The following KDM4C variants were observed in gnomAD, a reference collection of about 807,000 sequenced individuals.
KDM4C encodes the protein lysine demethylase 4C.
Under a neutral mutation model 129.3 loss-of-function variants are expected in KDM4C, and 81 were observed. The ratio of observed to expected loss-of-function variants is 0.63; its 90% confidence interval spans 0.52 to 0.75. The LOEUF (loss-of-function observed/expected upper bound fraction) is 0.75. Ranked by LOEUF, KDM4C falls within the 30% of genes least tolerant of loss-of-function variation. The pLI, the probability that KDM4C is intolerant of heterozygous loss-of-function variation, is 0.00. For synonymous variants in KDM4C, 573 were observed against 456.1 expected (o/e 1.26, Z -3.26); for missense variants, 1,457 against 1,304.0 (o/e 1.12, Z -1.81).
At chr9:7,141,918 C>CTAAA (rs539866760) in intron 19 of KDM4C, among the ~76,000 whole-genome samples, 167 of 152,166 alleles carry the variant, frequency 1.1e-3, no homozygotes, top group African/African-American at 4.0e-3. Flanking sequence ...CACTTCATCT[C>CTAAA]TAAATGGATG....
intron 8 of KDM4C, among the ~76,000 whole-genome samples, chr9:6,950,269 A>C (rs1372346532): frequency 6.6e-6 from 1 of 152,128 alleles, no homozygotes; most frequent in Admixed American, 6.5e-5. Flanking sequence ...TTCTTTCTAT[A>C]GTTCATTATG....
chr9:6,799,830 C>T (rs111377473), intron 2 of KDM4C, among the ~76,000 whole-genome samples: 53 of 151,790 alleles, frequency 3.5e-4, no homozygotes, highest in African/African-American at 1.2e-3. Context: ...GTGCCCCTCC[C>T]CTTTCAATAT....
chr9:7,103,566 T>G (rs1837340221), intron 17 of KDM4C, 119 bp from the exon 18 acceptor site: 1 of 787,682 alleles, frequency 1.3e-6, no homozygotes, highest in Non-Finnish European at 2.0e-6. Flanking sequence ...CAGGACTTGT[T>G]GATGTAATCA....
At chr9:7,099,170 A>C (rs1401988314) in intron 17 of KDM4C, among the ~76,000 whole-genome samples, 2 of 150,550 alleles carry the variant, frequency 1.3e-5, no homozygotes, top group Non-Finnish European at 2.9e-5. Context: ...ATTCACACCT[A>C]TTTTGGAATA....
At position 6,962,585 on chromosome 9, in the gene KDM4C, A is replaced by G. The variant is rs116927261; in HGVS notation, c.922-18340A>G. ...ATGTTTTCAGCATTTACATTTTCACATAGTAAATTTTTTATAGTCAACATG... is the reference window on the plus strand; with the variant it reads ...ATGTTTTCAGCATTTACATTTTCACGTAGTAAATTTTTTATAGTCAACATG... On this transcript the variant is annotated intron_variant, in intron 8 of 21. Transcript: ENST00000381309. Among the ~76,000 whole-genome samples, 237 of 152,304 alleles carry G rather than the reference A, an allele frequency of 1.6e-3. 1 individual carries two copies. The highest frequency in any genetic ancestry group is 2.5e-3 in the Non-Finnish European group (172 of 68,024).
intron 12 of KDM4C, among the ~76,000 whole-genome samples, chr9:6,995,413 G>A (rs1040714919): frequency 1.3e-5 from 2 of 152,078 alleles, no homozygotes; most frequent in Admixed American, 1.3e-4. Context: ...GGAGATGAAA[G>A]CCTACCTTGA....
intron 8 of KDM4C, among the ~76,000 whole-genome samples, chr9:6,936,643 C>T (rs1305742610): frequency 1.3e-5 from 2 of 152,148 alleles, no homozygotes; most frequent in Admixed American, 6.5e-5. Context: ...TGAGCCTTCC[C>T]ATGGCTATTC....
intron 12 of KDM4C, among the ~76,000 whole-genome samples, chr9:6,991,974 CAT>C (rs1818828677): frequency 6.6e-6 from 1 of 151,788 alleles, no homozygotes; most frequent in Non-Finnish European, 1.5e-5. Flanking sequence ...AGTAATGAAA[CAT>C]ATTTGCATTG....
intron 17 of KDM4C, among the ~76,000 whole-genome samples, chr9:7,080,185 C>T (rs770543439): frequency 6.6e-5 from 10 of 152,152 alleles, no homozygotes; most frequent in African/African-American, 2.4e-4. Context: ...GGAGCACAGC[C>T]ACAGGTATTG....
chr9:7,151,617 G>T (rs1351861359), intron 19 of KDM4C, among the ~76,000 whole-genome samples: 2 of 152,242 alleles, frequency 1.3e-5, no homozygotes, highest in Non-Finnish European at 2.9e-5. Flanking sequence ...CAAGGCTGCA[G>T]TGAGCTGTGA....
In KDM4C at chr9:6,778,425, A is replaced by G. The variant is rs555129976; in HGVS notation, c.-17-14547A>G. On this transcript the variant is annotated intron_variant, in intron 1 of 21. Coordinates refer to ENST00000381309, the MANE Select transcript of KDM4C (RefSeq NM_015061.6). ...GCCTTTGTAGCTAAATAACTTATTC[A>G]CTCAAGTGACAGCTCTCTGCTTCCA... Among the ~76,000 whole-genome samples, 64 of 151,574 alleles carry G rather than the reference A, an allele frequency of 4.2e-4. No individual in the cohort carries two copies. In the South Asian group the frequency reaches 0.013, roughly 31 times the overall value.
At chr9:6,933,949 A>G (rs2131331734) in intron 8 of KDM4C, among the ~76,000 whole-genome samples, 1 of 152,100 alleles carries the variant, frequency 6.6e-6, no homozygotes, top group Non-Finnish European at 1.5e-5. Flanking sequence ...TGCTGGGTTC[A>G]AGTGATTCTC....
intron 3 of KDM4C, among the ~76,000 whole-genome samples, chr9:6,808,932 C>G (rs945446829): frequency 1.3e-5 from 2 of 151,954 alleles, no homozygotes; most frequent in African/African-American, 4.8e-5. Context: ...AAGCATAAAT[C>G]TTACAAAAAC....
intron 12 of KDM4C, among the ~76,000 whole-genome samples, chr9:7,006,491 G>A (rs1821696549): frequency 6.6e-6 from 1 of 152,066 alleles, no homozygotes; most frequent in Non-Finnish European, 1.5e-5. Flanking sequence ...TGAGGAGTGG[G>A]CGGTGTGATT....
At chr9:6,999,092 A>T (rs1820303778) in intron 12 of KDM4C, among the ~76,000 whole-genome samples, 1 of 152,224 alleles carries the variant, frequency 6.6e-6, no homozygotes, top group Non-Finnish European at 1.5e-5. Flanking sequence ...TTAGAAGTGG[A>T]ATTTAGAAAT....
At chr9:6,996,690 C>T (rs570452168) in intron 12 of KDM4C, among the ~76,000 whole-genome samples, 4 of 152,296 alleles carry the variant, frequency 2.6e-5, no homozygotes, top group African/African-American at 9.6e-5. Flanking sequence ...CCACCATGTG[C>T]TAGTGGTGAG....
chr9:6,924,844 A>G, intron 8 of KDM4C: 6 of 983,026 alleles, frequency 6.1e-6, no homozygotes, highest in Non-Finnish European at 7.2e-6. Flanking sequence ...AAAATAAGAC[A>G]GGCTGTCCAC....
upstream of KDM4C, among the ~76,000 whole-genome samples, chr9:6,755,390 A>T (rs72699609): frequency 0.074 from 11,269 of 151,868 alleles, 613 homozygotes; most frequent in Non-Finnish European, 0.11. Flanking sequence ...AAAATGCAAA[A>T]ATTAGCTGGG....
At chr9:6,834,341 T>A in intron 4 of KDM4C, 1 of 304,444 alleles carries the variant, frequency 3.3e-6, no homozygotes, top group Non-Finnish European at 6.5e-6. Context: ...TGGCCGATAG[T>A]CTCTTTGTCA....
Sources: gnomAD v4.1 joint callset for allele counts (sites outside exome capture counted in the v4.1 genomes callset) on GRCh38, gnomAD v4.1.1 for gene constraint, MANE v1.5 for transcripts, NCBI Gene and HGNC (gene_info 2026-07-23, HGNC 2026-07-21) for gene names.